The following MSN variants were observed in gnomAD, a reference collection of about 807,000 sequenced individuals.
MSN encodes epididymis luminal protein 70.
Under a neutral mutation model 48.0 loss-of-function variants are expected in MSN, and 2 were observed. That is an observed-to-expected ratio of 0.04 (90% CI 0.02 to 0.13). The LOEUF is 0.13. Among genes scored for constraint, MSN ranks in the 10% least tolerant of loss-of-function variants. The pLI is 1.00. For synonymous variants in MSN, 146 were observed against 166.9 expected (o/e 0.87, Z 0.97); for missense variants, 267 against 470.1 (o/e 0.57, Z 3.99).
chrX:65,714,194 C>G (rs1043829664), intron 1 of MSN, among the ~76,000 whole-genome samples: 1 of 112,155 alleles, frequency 8.9e-6, no homozygotes, highest in African/African-American at 3.2e-5. Context: ...TACTAACATA[C>G]ATTTTCTTTA....
intron 2 of MSN, among the ~76,000 whole-genome samples, chrX:65,720,643 G>T (rs1423432935): frequency 2.7e-5 from 3 of 111,845 alleles, no homozygotes. Context: ...ATTCAAGGAG[G>T]CCCTCCTGGT....
intron 1 of MSN, among the ~76,000 whole-genome samples, chrX:65,608,315 C>A (rs760555740): frequency 9.0e-6 from 1 of 111,065 alleles, no homozygotes; most frequent in Non-Finnish European, 1.9e-5. Flanking sequence ...ACCTCTGTAC[C>A]CAGTTTTGTT....
intron 1 of MSN, among the ~76,000 whole-genome samples, chrX:65,598,397 A>G (rs2070204141): frequency 9.1e-6 from 1 of 109,616 alleles, no homozygotes; most frequent in Non-Finnish European, 1.9e-5. Context: ...AGAAGGGAAG[A>G]GGAGAGAGGA....
At chrX:65,638,800 C>T (rs763825863) in intron 1 of MSN, among the ~76,000 whole-genome samples, 211 of 112,497 alleles carry the variant, frequency 1.9e-3, no homozygotes, top group African/African-American at 6.3e-3. Context: ...GTGATCCACC[C>T]GCCTCAGCCT....
At chrX:65,615,824 T>C (rs1453308641) in intron 1 of MSN, among the ~76,000 whole-genome samples, 1 of 111,542 alleles carries the variant, frequency 9.0e-6, no homozygotes, top group East Asian at 2.8e-4. Context: ...TCTTCTAGGG[T>C]TTTTGTGGTT....
intron 1 of MSN, among the ~76,000 whole-genome samples, chrX:65,612,852 T>TG (rs2070332202): frequency 1.1e-5 from 1 of 91,410 alleles, no homozygotes; most frequent in African/African-American, 6.8e-5. Flanking sequence ...CGAACCATGG[T>TG]GTTTTTTTTT....
chrX:65,683,598 A>G (rs1360972676), intron 1 of MSN, among the ~76,000 whole-genome samples: 1 of 111,091 alleles, frequency 9.0e-6, no homozygotes, highest in African/African-American at 3.3e-5. Flanking sequence ...GTTTATGCTT[A>G]CTAGGTAAGG....
intron 1 of MSN, among the ~76,000 whole-genome samples, chrX:65,646,483 T>C (rs955519593): frequency 9.8e-5 from 11 of 112,004 alleles, no homozygotes; most frequent in African/African-American, 3.6e-4. Flanking sequence ...CCTGAGCTGT[T>C]ACAATGGCTT....
At position 65,737,555 on chromosome X, in the gene MSN, T is replaced by C. The variant is rs751568223; in HGVS notation, c.1251+217T>C. Reference sequence around the variant, plus strand: ...CCTAACCCTTAGTTTCTGTTCACTTTCTTAACTCTTGGGTATCTGAGCTGA... The same window carrying C: ...CCTAACCCTTAGTTTCTGTTCACTTCCTTAACTCTTGGGTATCTGAGCTGA... On this transcript the variant is annotated intron_variant, in intron 10 of 12. Transcript: ENST00000360270. Among the ~76,000 whole-genome samples the C allele has an allele frequency of 1.4e-4, 16 of 112,232 alleles. No homozygotes were observed. In the South Asian group the frequency reaches 4.9e-3, roughly 34 times the overall value.
chrX:65,620,579 C>T (rs1054716330), intron 1 of MSN, among the ~76,000 whole-genome samples: 4 of 112,927 alleles, frequency 3.5e-5, no homozygotes, highest in South Asian at 3.6e-4. Context: ...GCGCACGGTG[C>T]GCACACCCAC....
At chrX:65,701,507 T>C (rs1443549278) in intron 1 of MSN, among the ~76,000 whole-genome samples, 1 of 112,063 alleles carries the variant, frequency 8.9e-6, no homozygotes, top group Non-Finnish European at 1.9e-5. Flanking sequence ...TCTTTGAACT[T>C]TTCAGATGGA....
In MSN at chrX:65,729,319, A is replaced by G. The variant is rs1009674167; in HGVS notation, c.193-119A>G. 2.8e-5 allele frequency: 23 copies of G among 814,973 alleles called. No individual in the cohort carries two copies. The African/African-American group carries it at 3.5e-4, about 13-fold the overall frequency. The allele number at this position is 814,973 out of a possible 1,213,427, so 67.2% of individuals were successfully genotyped here. A position where few individuals can be genotyped will look rare whatever the true frequency, so the allele number is the denominator to read the frequency against. On this transcript the variant is annotated intron_variant, in intron 3 of 12. Transcript: ENST00000360270. ...TTTCTTAATTACCAGGGGAGTTGCC[A>G]CCCAGCTGTCTAAGATTATGCAAAT... is the stretch of plus-strand genomic sequence containing the variant.
At chrX:65,624,894 A>AAAGG (rs774140689) in intron 1 of MSN, 6 of 111,210 alleles carry the variant, frequency 5.4e-5, no homozygotes, top group South Asian at 3.8e-4. Context: ...AGGAAGGAAG[A>AAAGG]AAGGAAGGAA....
chrX:65,592,285 T>C (rs2070153952), intron 1 of MSN, among the ~76,000 whole-genome samples: 2 of 100,109 alleles, frequency 2.0e-5, no homozygotes, highest in Non-Finnish European at 4.0e-5. Flanking sequence ...AACCTCTGCC[T>C]CCTATGTTCA....
In MSN at chrX:65,740,719, G is replaced by A. The variant is rs1381423782; in HGVS notation, c.*826G>A. On this transcript the variant is annotated 3_prime_UTR_variant, in exon 13 of 13. Transcript: ENST00000360270. Reference sequence around the variant, plus strand: ...CCTTACTTATTATTCCAGATCTGCAGTCACTTCGTGGGATCTGCCCCTCCC... The same window carrying A: ...CCTTACTTATTATTCCAGATCTGCAATCACTTCGTGGGATCTGCCCCTCCC... The A allele has an allele frequency of 4.1e-5, 7 of 172,670 alleles. No individual in the cohort carries two copies. Among genetic ancestry groups the A allele is most frequent in the Non-Finnish European group, 7.7e-5 (7 of 90,665 alleles). The allele number at this position is 172,670 out of a possible 1,213,427, so 14.2% of individuals were successfully genotyped here. A position where few individuals can be genotyped will look rare whatever the true frequency, so the allele number is the denominator to read the frequency against.
upstream of MSN, among the ~76,000 whole-genome samples, chrX:65,665,831 C>T (rs2070863376): frequency 9.0e-6 from 1 of 111,369 alleles, no homozygotes; most frequent in Non-Finnish European, 1.9e-5. Flanking sequence ...AATGGCAGAG[C>T]TATACGTAGA....
chrX:65,723,615 A>G (rs2071538595), intron 2 of MSN, among the ~76,000 whole-genome samples: 1 of 111,980 alleles, frequency 8.9e-6, no homozygotes, highest in South Asian at 3.7e-4. Flanking sequence ...GCTAGATGCT[A>G]AGCTCTCACT....
intron 1 of MSN, among the ~76,000 whole-genome samples, chrX:65,618,711 A>G (rs2070401750): frequency 9.1e-6 from 1 of 110,050 alleles, no homozygotes; most frequent in South Asian, 3.9e-4. Flanking sequence ...ATTTACATTT[A>G]AAGTTAATAT....
chrX:65,679,868 TG>T (rs961027013), intron 1 of MSN, among the ~76,000 whole-genome samples: 1 of 112,604 alleles, frequency 8.9e-6, no homozygotes, highest in Non-Finnish European at 1.9e-5. Flanking sequence ...ACAAGTTCCT[TG>T]GGCATCCTTG....
Sources: gnomAD v4.1 joint callset for allele counts (sites outside exome capture counted in the v4.1 genomes callset) on GRCh38, gnomAD v4.1.1 for gene constraint, MANE v1.5 for transcripts, NCBI Gene and HGNC (gene_info 2026-07-23, HGNC 2026-07-21) for gene names.